Variants in SEMA3A observed in about 807,000 individuals in gnomAD.
The protein encoded by SEMA3A is semaphorin 3A.
SEMA3A carries 29 observed loss-of-function variants against 97.9 expected under a neutral mutation model. That is an observed-to-expected ratio of 0.30 (90% CI 0.22 to 0.40). The LOEUF (loss-of-function observed/expected upper bound fraction) is 0.40. SEMA3A is among the 10% of genes least tolerant of loss of function. The pLI is 1.00. For synonymous variants in SEMA3A, 321 were observed against 323.7 expected, an observed-to-expected ratio of 0.99 and a Z score of 0.09; for missense variants, 763 against 951.3, an observed-to-expected ratio of 0.80 and a Z score of 2.60.
At chr7:84,265,893 A>C (rs1407891910) in intron 3 of SEMA3A, among the ~76,000 whole-genome samples, 1 of 152,204 alleles carries the variant, frequency 6.6e-6, no homozygotes, top group African/African-American at 2.4e-5. Flanking sequence ...TGTTATAATT[A>C]CTGAGAAACA....
chr7:84,032,264 G>GT (rs1791789128), intron 6 of SEMA3A, among the ~76,000 whole-genome samples: 1 of 152,078 alleles, frequency 6.6e-6, no homozygotes, highest in Non-Finnish European at 1.5e-5. Flanking sequence ...AAAATAATGA[G>GT]TTAGGGACCA....
intron 1 of SEMA3A, among the ~76,000 whole-genome samples, chr7:84,389,118 G>T (rs1803476472): frequency 6.6e-6 from 1 of 151,982 alleles, no homozygotes; most frequent in Non-Finnish European, 1.5e-5. Context: ...TTGTAGGAGA[G>T]TTCTTTGCAA....
intron 1 of SEMA3A, among the ~76,000 whole-genome samples, chr7:84,438,700 T>C (rs1005666469): frequency 1.3e-5 from 2 of 152,028 alleles, no homozygotes. Context: ...GACTTCTGTA[T>C]GGTAAGTAAT....
intron 3 of SEMA3A, among the ~76,000 whole-genome samples, chr7:84,242,452 G>A (rs143181727): frequency 6.6e-6 from 1 of 152,270 alleles, no homozygotes; most frequent in African/African-American, 2.4e-5. Context: ...AGGAATGCTT[G>A]TGATTTTTGC....
chr7:84,435,979 A>G (rs995440811), intron 1 of SEMA3A, among the ~76,000 whole-genome samples: 1 of 152,200 alleles, frequency 6.6e-6, no homozygotes, highest in South Asian at 2.1e-4. Context: ...GTATAAAAAC[A>G]GACACATAGA....
At chr7:83,979,990 G>T (rs1029311738) in intron 14 of SEMA3A, among the ~76,000 whole-genome samples, 4 of 151,810 alleles carry the variant, frequency 2.6e-5, no homozygotes, top group Non-Finnish European at 5.9e-5. Context: ...AAACAATAAA[G>T]AAATCAAATT....
intron 1 of SEMA3A, among the ~76,000 whole-genome samples, chr7:84,419,797 G>A (rs1437624127): frequency 1.3e-5 from 2 of 152,092 alleles, no homozygotes; most frequent in Non-Finnish European, 2.9e-5. Context: ...AGCAGATTTG[G>A]GCAGTCTAAT....
intron 3 of SEMA3A, among the ~76,000 whole-genome samples, chr7:84,221,131 A>C (rs1014024497): frequency 6.6e-6 from 1 of 152,078 alleles, no homozygotes; most frequent in South Asian, 2.1e-4. Flanking sequence ...TTCACCTTGC[A>C]CTTTTATTTT....
intron 1 of SEMA3A, among the ~76,000 whole-genome samples, chr7:84,150,306 T>A (rs1251937772): frequency 6.6e-6 from 1 of 152,130 alleles, no homozygotes. Context: ...GACGGGTGAT[T>A]TCTGCATTTC....
intron 4 of SEMA3A, among the ~76,000 whole-genome samples, chr7:84,094,166 C>T (rs1358111990): frequency 2.6e-5 from 4 of 152,108 alleles, no homozygotes; most frequent in South Asian, 4.1e-4. Flanking sequence ...TGTTATTTCA[C>T]GAAAAGGAAC....
intron 3 of SEMA3A, among the ~76,000 whole-genome samples, chr7:84,252,478 C>G (rs535821814): frequency 2.0e-5 from 3 of 152,160 alleles, no homozygotes; most frequent in Non-Finnish European, 4.4e-5. Context: ...CTACATGTAA[C>G]AGAGCCATTG....
At chr7:84,266,629 T>C (rs769262618) in intron 3 of SEMA3A, among the ~76,000 whole-genome samples, 1 of 151,992 alleles carries the variant, frequency 6.6e-6, no homozygotes, top group Non-Finnish European at 1.5e-5. Flanking sequence ...ATTAAAAACA[T>C]AATTGAAAAG....
At chr7:84,424,731 T>G (rs1241250816) in intron 1 of SEMA3A, among the ~76,000 whole-genome samples, 2 of 100,252 alleles carry the variant, frequency 2.0e-5, no homozygotes, top group African/African-American at 8.1e-5. Context: ...TATTTATATA[T>G]TATATATTTA....
At chr7:84,234,709 A>T (rs1274028606) in intron 3 of SEMA3A, among the ~76,000 whole-genome samples, 2 of 151,976 alleles carry the variant, frequency 1.3e-5, no homozygotes, top group African/African-American at 4.8e-5. Context: ...TCCAGCCCCA[A>T]CACTCACTGC....
intron 1 of SEMA3A, among the ~76,000 whole-genome samples, chr7:84,144,335 AAGAAG>A: frequency 6.6e-6 from 1 of 152,210 alleles, no homozygotes; most frequent in East Asian, 1.9e-4. Context: ...GAGCATAGGA[AAGAAG>A]AGGAGTTGGC....
chr7:83,965,755 A>T (rs1457046389), intron 15 of SEMA3A, among the ~76,000 whole-genome samples: 11 of 127,214 alleles, frequency 8.6e-5, no homozygotes, highest in African/African-American at 3.4e-4. Context: ...ATCTCGGCTC[A>T]CTGCAAGCTC....
Position 84,007,414 on chromosome 7 carries a change from T to C in SEMA3A, c.1079A>G (p.Asp360Gly), listed in dbSNP as rs1247595681. 1 of 1,609,878 alleles carries C rather than the reference T, an allele frequency of 6.2e-7. No individual in the cohort carries two copies. The highest frequency in any genetic ancestry group is 8.5e-7 in the Non-Finnish European group (1 of 1,178,068). ...RVFLGPYAHRDGPNYQWVPYQ... is the reference protein window; with the variant it reads ...RVFLGPYAHRGGPNYQWVPYQ... Reference sequence around the variant, plus strand: ...AGGCACCCATTGATAGTTGGGTCCATCCCTGTGGGCATATGGACCAAGGAA... The same window carrying C: ...AGGCACCCATTGATAGTTGGGTCCACCCCTGTGGGCATATGGACCAAGGAA... The change falls in exon 10 of 17, where the codon GAT becomes GGT. Residue 360 changes from aspartate to glycine, a missense_variant. Asp to Gly is a moderately conservative substitution (Grantham distance 94, BLOSUM62 -1). Around this residue, in one of 2 missense-constraint regions of SEMA3A, gnomAD observed 678 missense variants for 881.3 expected, o/e 0.77. Transcript: ENST00000265362.
chr7:84,110,689 C>T (rs1795253824), intron 3 of SEMA3A, 100 bp from the exon 4 acceptor site: 36 of 1,275,532 alleles, frequency 2.8e-5, no homozygotes, highest in Admixed American at 2.8e-4. Context: ...CTTTTGTTTT[C>T]TTTCTTTTTT....
intron 4 of SEMA3A, among the ~76,000 whole-genome samples, chr7:84,068,457 A>G (rs1793619196): frequency 6.6e-6 from 1 of 151,674 alleles, no homozygotes; most frequent in Non-Finnish European, 1.5e-5. Flanking sequence ...AAACAAAAGA[A>G]AAATTAGGAA....
Sources: gnomAD v4.1 joint callset for allele counts (sites outside exome capture counted in the v4.1 genomes callset) on GRCh38, gnomAD v4.1.1 for gene constraint, gnomAD v4.1.1 regional missense constraint, MANE v1.5 for transcripts, NCBI Gene and HGNC (gene_info 2026-07-23, HGNC 2026-07-21) for gene names.